The following CAPN13 variants were observed in gnomAD, a reference collection of about 807,000 sequenced individuals.
CAPN13 encodes calpain-13.
CAPN13 carries 90 observed loss-of-function variants against 98.4 expected under a neutral mutation model. That is an observed-to-expected ratio of 0.92 (90% CI 0.77 to 1.09). The LOEUF (loss-of-function observed/expected upper bound fraction) is 1.09. Among genes scored for constraint, CAPN13 ranks in the 50% least tolerant of loss-of-function variants. The pLI, the probability that CAPN13 is intolerant of heterozygous loss-of-function variation, is 0.00. For synonymous variants in CAPN13, 330 were observed against 305.5 expected (o/e 1.08, Z -0.84); for missense variants, 887 against 841.3 (o/e 1.05, Z -0.67).
intron 7 of CAPN13, among the ~76,000 whole-genome samples, chr2:30,759,593 G>A (rs545176475): frequency 6.6e-6 from 1 of 152,332 alleles, no homozygotes; most frequent in South Asian, 2.1e-4. Context: ...CTATCGCTGT[G>A]TGGAAGACAA....
At chr2:30,806,662 G>C (rs374865401) in intron 1 of CAPN13, among the ~76,000 whole-genome samples, 58 of 152,298 alleles carry the variant, frequency 3.8e-4, no homozygotes, top group African/African-American at 1.4e-3. Context: ...CTGTCTCCCT[G>C]AGAACAGCAT....
At chr2:30,780,501 C>G (rs1193480976) in intron 2 of CAPN13, among the ~76,000 whole-genome samples, 2 of 152,218 alleles carry the variant, frequency 1.3e-5, no homozygotes, top group Admixed American at 6.5e-5. Flanking sequence ...TCTATGAAGG[C>G]ATTTGATAAA....
At chr2:30,749,428 C>A (rs990781759) in intron 11 of CAPN13, among the ~76,000 whole-genome samples, 1 of 152,216 alleles carries the variant, frequency 6.6e-6, no homozygotes, top group Non-Finnish European at 1.5e-5. Flanking sequence ...TAAACCACAG[C>A]CAATGCATAG....
chr2:30,758,649 G>C (rs1186404056), intron 7 of CAPN13, among the ~76,000 whole-genome samples: 1 of 152,126 alleles, frequency 6.6e-6, no homozygotes, highest in Non-Finnish European at 1.5e-5. Flanking sequence ...GATGGCCTGT[G>C]AACCAAGATA....
chr2:30,788,469 A>G (rs2148076948), intron 1 of CAPN13, among the ~76,000 whole-genome samples: 1 of 152,268 alleles, frequency 6.6e-6, no homozygotes, highest in African/African-American at 2.4e-5. Context: ...CCTGGATGGG[A>G]ATCCTGAATC....
chr2:30,737,966 GACACACACACACACACACACACACAC>G (rs71831494), intron 17 of CAPN13: 2 of 373,394 alleles, frequency 5.4e-6, no homozygotes, highest in Non-Finnish European at 9.9e-6. Flanking sequence ...GAATTATAAG[GACACACACACACACACACACACACAC>G]ACACACACAC....
At chr2:30,754,133 C>T (rs929139929) in intron 9 of CAPN13, among the ~76,000 whole-genome samples, 157 bp downstream of exon 9, 2 of 152,120 alleles carry the variant, frequency 1.3e-5, no homozygotes, top group African/African-American at 4.8e-5. Context: ...AATTTTTCAT[C>T]CAAAGTTTTT....
intron 9 of CAPN13, 74 bp from the exon 10 acceptor site, chr2:30,753,272 A>T: frequency 6.7e-7 from 1 of 1,491,968 alleles, no homozygotes; most frequent in South Asian, 1.2e-5. Context: ...ATGACTTCAC[A>T]GCATAGCCAC....
chr2:30,774,284 G>C (rs1673566634), intron 4 of CAPN13, among the ~76,000 whole-genome samples: 1 of 151,846 alleles, frequency 6.6e-6, no homozygotes, highest in African/African-American at 2.4e-5. Context: ...AATTAATAAA[G>C]ATAGGATTGA....
At position 30,764,265 on chromosome 2, in the gene CAPN13, T is replaced by C; in HGVS notation, c.566A>G (p.Glu189Gly). ...SYSDLHYGFL[E>G]DALVDLTGGV... is the part of the protein sequence containing the mutation. Reference sequence around the variant, plus strand: ...TCCTGTGAGGTCCACCAGGGCATCCTCGAGGAAGCCATAGTGCAGATCGGA... The same window carrying C: ...TCCTGTGAGGTCCACCAGGGCATCCCCGAGGAAGCCATAGTGCAGATCGGA... Residue 189 changes from glutamate to glycine, a missense_variant, in exon 6 of 23, where the codon GAG becomes GGG. Transcript: ENST00000295055. 1 of 1,613,800 alleles carries C rather than the reference T, an allele frequency of 6.2e-7. No homozygotes were observed. The highest frequency in any genetic ancestry group is 8.5e-7 in the Non-Finnish European group (1 of 1,179,852).
intron 5 of CAPN13, among the ~76,000 whole-genome samples, chr2:30,768,501 C>T (rs367944160): frequency 2.0e-4 from 31 of 152,298 alleles, no homozygotes; most frequent in African/African-American, 5.8e-4. Flanking sequence ...GCCAAACCAA[C>T]GCCAGAGCCT....
intron 1 of CAPN13, among the ~76,000 whole-genome samples, chr2:30,787,847 C>T (rs1257143185): frequency 6.6e-6 from 1 of 152,166 alleles, no homozygotes; most frequent in South Asian, 2.1e-4. Context: ...GTTTTATACC[C>T]CATAAACTCT....
intron 1 of CAPN13, among the ~76,000 whole-genome samples, chr2:30,792,563 T>C (rs1674655827): frequency 6.6e-6 from 1 of 152,082 alleles, no homozygotes; most frequent in Non-Finnish European, 1.5e-5. Context: ...GAATTTACTA[T>C]CCAAAGCTTT....
intron 2 of CAPN13, among the ~76,000 whole-genome samples, chr2:30,782,429 T>C (rs1466193326): frequency 6.6e-6 from 1 of 152,244 alleles, no homozygotes; most frequent in African/African-American, 2.4e-5. Context: ...GACACTTGGC[T>C]GTTTGCAGGG....
At chr2:30,779,296 C>T (rs907065803) in intron 2 of CAPN13, among the ~76,000 whole-genome samples, 1 of 152,222 alleles carries the variant, frequency 6.6e-6, no homozygotes, top group African/African-American at 2.4e-5. Context: ...CCTGGGTGAC[C>T]TTGAGACCTT....
chr2:30,773,221 G>C (rs189377072), intron 4 of CAPN13, among the ~76,000 whole-genome samples: 17 of 152,174 alleles, frequency 1.1e-4, no homozygotes, highest in African/African-American at 3.6e-4. Flanking sequence ...TGCAGCATTG[G>C]AAGCTACAAG....
chr2:30,774,095 C>A (rs1673550621), intron 4 of CAPN13, among the ~76,000 whole-genome samples: 1 of 151,656 alleles, frequency 6.6e-6, no homozygotes, highest in African/African-American at 2.4e-5. Flanking sequence ...AGAAACAACC[C>A]CTATATGAAA....
intron 11 of CAPN13, among the ~76,000 whole-genome samples, chr2:30,748,334 C>A (rs1186397680): frequency 6.6e-6 from 1 of 152,120 alleles, no homozygotes; most frequent in Non-Finnish European, 1.5e-5. Context: ...AGCAGGAATT[C>A]TCGTCTGAAA....
intron 5 of CAPN13, 58 bp downstream of exon 5, chr2:30,770,255 C>T (rs373785212): frequency 2.6e-5 from 42 of 1,585,356 alleles, no homozygotes; most frequent in African/African-American, 1.1e-4. Flanking sequence ...GTTTGCATTC[C>T]GGGTAGGCAG....
Sources: gnomAD v4.1 joint callset for allele counts (sites outside exome capture counted in the v4.1 genomes callset) on GRCh38, gnomAD v4.1.1 for gene constraint, MANE v1.5 for transcripts, NCBI Gene and HGNC (gene_info 2026-07-23, HGNC 2026-07-21) for gene names.